Variants in RALYL observed in about 807,000 individuals in gnomAD.
RALYL encodes the protein RALY RNA binding protein like.
Under a neutral mutation model 35.1 loss-of-function variants are expected in RALYL, and 29 were observed. The observed-to-expected ratio is 0.83, with a 90% CI of 0.61 to 1.13. The LOEUF is 1.13. Ranked by LOEUF, RALYL falls within the 50% of genes most tolerant of loss-of-function variation. The pLI, the probability that RALYL is intolerant of heterozygous loss-of-function variation, is 0.00. For synonymous variants in RALYL, 120 were observed against 127.6 expected (o/e 0.94, Z 0.40); for missense variants, 359 against 360.4 (o/e 1.00, Z 0.03).
chr8:84,774,671 T>A lies in RALYL; in HGVS notation c.332+17T>A. 1 of 1,555,272 alleles carries A rather than the reference T, an allele frequency of 6.4e-7. No individual in the cohort carries two copies. Among genetic ancestry groups the A allele is most frequent in the South Asian group, 1.1e-5 (1 of 87,002 alleles). ...ACTTTACAGGTAAGTAGATAAGCAC[T>A]GTTTTACTCTATATATTAGTGAAAT... On this transcript the variant is annotated intron_variant, in intron 3 of 8. Transcript: ENST00000521268.
chr8:84,859,423 A>G (rs910692437), intron 5 of RALYL, among the ~76,000 whole-genome samples: 1 of 152,122 alleles, frequency 6.6e-6, no homozygotes, highest in African/African-American at 2.4e-5. Context: ...TCCAGACCCT[A>G]TTCTCCTGCC....
At chr8:84,215,105 A>AG (rs1416974365) in intron 1 of RALYL, among the ~76,000 whole-genome samples, 2 of 151,704 alleles carry the variant, frequency 1.3e-5, no homozygotes, top group African/African-American at 4.8e-5. Flanking sequence ...TGGGGTTTTG[A>AG]GGGGAAAGGA....
chr8:84,703,546 T>C lies in RALYL; in HGVS notation c.257-71033T>C, dbSNP rs182109246. Among the ~76,000 whole-genome samples the C allele has an allele frequency of 1.2e-3, 189 of 152,240 alleles. 1 individual carries two copies. The highest frequency in any genetic ancestry group is 3.5e-3 in the African/African-American group (147 of 41,540). On this transcript the variant is annotated intron_variant, in intron 2 of 8. Coordinates refer to ENST00000521268, the MANE Select transcript of RALYL (RefSeq NM_173848.7). ...ATGAAGTGAATTGTCACATGGTCTT[T>C]CCAAAAACTGTTCAGATTGATATTA...
intron 1 of RALYL, among the ~76,000 whole-genome samples, chr8:84,360,575 C>T (rs954166242): frequency 6.6e-6 from 1 of 151,910 alleles, no homozygotes; most frequent in African/African-American, 2.4e-5. Context: ...ACAGGTAAGA[C>T]AAGAGGAAGC....
intron 2 of RALYL, among the ~76,000 whole-genome samples, chr8:84,695,610 G>A (rs1838964290): frequency 6.6e-6 from 1 of 151,576 alleles, no homozygotes; most frequent in African/African-American, 2.4e-5. Context: ...TTTTATCTTT[G>A]TCCCCTTGTA....
chr8:84,644,465 C>T (rs1321096848), intron 2 of RALYL, among the ~76,000 whole-genome samples: 1 of 151,892 alleles, frequency 6.6e-6, no homozygotes, highest in African/African-American at 2.4e-5. Flanking sequence ...TATTACAAGA[C>T]ATAAGAAATT....
Position 84,518,264 on chromosome 8 carries a change from G to A in RALYL, c.-23-11035G>A, listed in dbSNP as rs866526452. The stretch of plus-strand genomic sequence containing the variant: ...AACATTAGCTTTTATTAGAGAAAAA[G>A]CATCCATAATTTTTAATTTCTACAT... On this transcript the variant is annotated intron_variant, in intron 1 of 8. Transcript: ENST00000521268. Among the ~76,000 whole-genome samples, 5 of 152,040 alleles carry A rather than the reference G, an allele frequency of 3.3e-5. No homozygotes were observed. The South Asian group carries it at 1.0e-3, about 32-fold the overall frequency.
intron 2 of RALYL, among the ~76,000 whole-genome samples, chr8:84,718,677 A>G (rs1843335487): frequency 6.6e-6 from 1 of 152,018 alleles, no homozygotes; most frequent in African/African-American, 2.4e-5. Flanking sequence ...AGGCAGGAGA[A>G]TCACTTGAGC....
At chr8:84,201,038 G>A (rs1182966645) in intron 1 of RALYL, among the ~76,000 whole-genome samples, 2 of 152,152 alleles carry the variant, frequency 1.3e-5, no homozygotes, top group African/African-American at 4.8e-5. Flanking sequence ...AGAAGGAGCT[G>A]ATGGTGATAA....
At chr8:84,857,403 T>C (rs971001338) in intron 5 of RALYL, among the ~76,000 whole-genome samples, 4 of 152,210 alleles carry the variant, frequency 2.6e-5, no homozygotes, top group Non-Finnish European at 5.9e-5. Flanking sequence ...AAGAATTGTT[T>C]TCATGAGGGC....
intron 2 of RALYL, among the ~76,000 whole-genome samples, chr8:84,708,616 G>T (rs1243273373): frequency 3.3e-5 from 5 of 151,904 alleles, no homozygotes; most frequent in Admixed American, 6.6e-5. Flanking sequence ...GGATTGATTT[G>T]GGAATTAATG....
chr8:84,729,205 G>A (rs867444683), intron 2 of RALYL, among the ~76,000 whole-genome samples: 6 of 151,992 alleles, frequency 3.9e-5, no homozygotes, highest in Admixed American at 6.6e-5. Flanking sequence ...CTTGTAAGTT[G>A]GAACCTAGGT....
At chr8:84,679,893 C>T (rs1238736164) in intron 2 of RALYL, 4 of 344,024 alleles carry the variant, frequency 1.2e-5, no homozygotes, top group Non-Finnish European at 2.3e-5. Flanking sequence ...GGTACATGTG[C>T]ACAACGTGCA....
chr8:84,521,012 T>C (rs558527975), intron 1 of RALYL, among the ~76,000 whole-genome samples: 1 of 152,316 alleles, frequency 6.6e-6, no homozygotes, highest in East Asian at 1.9e-4. Flanking sequence ...AAGTGGGTTC[T>C]TACTGTTGGA....
At chr8:84,434,130 C>A (rs1431904149) in intron 1 of RALYL, among the ~76,000 whole-genome samples, 2 of 151,996 alleles carry the variant, frequency 1.3e-5, no homozygotes, top group South Asian at 2.1e-4. Context: ...CTGTGGATAT[C>A]TCCTTGGTTT....
At chr8:84,557,383 A>G (rs892228659) in intron 2 of RALYL, among the ~76,000 whole-genome samples, 1 of 152,198 alleles carries the variant, frequency 6.6e-6, no homozygotes, top group Non-Finnish European at 1.5e-5. Flanking sequence ...ACCCACAGCA[A>G]TCAGCAGTTA....
intron 1 of RALYL, among the ~76,000 whole-genome samples, chr8:84,269,864 T>A (rs1833977970): frequency 6.6e-6 from 1 of 152,128 alleles, no homozygotes; most frequent in Admixed American, 6.6e-5. Flanking sequence ...GAAGTTTAGT[T>A]GAAACTCATT....
intron 1 of RALYL, among the ~76,000 whole-genome samples, chr8:84,398,584 G>A (rs1365824069): frequency 6.6e-6 from 1 of 152,016 alleles, no homozygotes; most frequent in East Asian, 1.9e-4. Flanking sequence ...CTTAGCTCAT[G>A]GAGTCACACA....
At chr8:84,651,716 AACTT>A (rs1364087483) in intron 2 of RALYL, among the ~76,000 whole-genome samples, 3 of 152,060 alleles carry the variant, frequency 2.0e-5, no homozygotes, top group African/African-American at 4.8e-5. Flanking sequence ...ATATGAAAAA[AACTT>A]AAGAGAAATA....
Sources: gnomAD v4.1 joint callset for allele counts (sites outside exome capture counted in the v4.1 genomes callset) on GRCh38, gnomAD v4.1.1 for gene constraint, MANE v1.5 for transcripts, NCBI Gene and HGNC (gene_info 2026-07-23, HGNC 2026-07-21) for gene names.